Variants in SGK3 observed in about 807,000 individuals in gnomAD.
SGK3 encodes serine/threonine-protein kinase Sgk3.
In SGK3, 47 loss-of-function variants were observed where a neutral mutation model predicts 68.5. That is an observed-to-expected ratio of 0.69 (90% CI 0.54 to 0.87). The LOEUF is 0.87. SGK3 is among the 40% of genes least tolerant of loss of function. SGK3 has a pLI of 0.00. For missense variants in SGK3, 479 were observed against 575.5 expected, an observed-to-expected ratio of 0.83 and a Z score of 1.72; for synonymous variants, 181 against 189.1, an observed-to-expected ratio of 0.96 and a Z score of 0.35.
intron 6 of SGK3, among the ~76,000 whole-genome samples, chr8:66,822,972 A>C (rs1178277572): frequency 6.6e-6 from 1 of 152,182 alleles, no homozygotes; most frequent in Non-Finnish European, 1.5e-5. Flanking sequence ...TTTTTACTAA[A>C]AAGTAATATA....
intron 8 of SGK3, 127 bp downstream of exon 8, chr8:66,831,438 C>G (rs1809299004): frequency 5.3e-6 from 6 of 1,121,760 alleles, no homozygotes; most frequent in Non-Finnish European, 7.8e-6. Context: ...CTCCTGGGCT[C>G]AAGCCATCCT....
intron 16 of SGK3, among the ~76,000 whole-genome samples, chr8:66,856,497 T>C (rs1161623011): frequency 6.6e-6 from 1 of 152,222 alleles, no homozygotes; most frequent in Non-Finnish European, 1.5e-5. Flanking sequence ...GAGCATCCCA[T>C]ATCTGAAAAT....
chr8:66,786,163 T>C (rs1048268982), intron 1 of SGK3, among the ~76,000 whole-genome samples: 1 of 152,110 alleles, frequency 6.6e-6, no homozygotes, highest in African/African-American at 2.4e-5. Flanking sequence ...TGTATAGTAA[T>C]AGCAGGGTTG....
chr8:66,765,926 G>T (rs1219368047), intron 1 of SGK3, among the ~76,000 whole-genome samples: 4 of 151,866 alleles, frequency 2.6e-5, no homozygotes, highest in African/African-American at 9.7e-5. Flanking sequence ...TCAGGAGGCT[G>T]AGGCAGGAGA....
At chr8:66,739,848 A>G (rs747243887) in intron 1 of SGK3, among the ~76,000 whole-genome samples, 1 of 152,202 alleles carries the variant, frequency 6.6e-6, no homozygotes, top group Non-Finnish European at 1.5e-5. Flanking sequence ...GAACTGAGTG[A>G]AGGGGGAAGC....
intron 6 of SGK3, among the ~76,000 whole-genome samples, chr8:66,827,495 A>G (rs1233313895): frequency 1.3e-5 from 2 of 151,802 alleles, no homozygotes; most frequent in Non-Finnish European, 2.9e-5. Context: ...ATAGAACACT[A>G]GTAAAAGTAT....
intron 1 of SGK3, among the ~76,000 whole-genome samples, chr8:66,774,702 G>C (rs1043785782): frequency 1.3e-5 from 2 of 152,022 alleles, no homozygotes; most frequent in African/African-American, 2.4e-5. Flanking sequence ...ATTCTTACTG[G>C]GAGCCGACTC....
At chr8:66,822,217 G>A (rs111276322) in intron 5 of SGK3, among the ~76,000 whole-genome samples, 155 bp from the exon 6 acceptor site, 34 of 151,272 alleles carry the variant, frequency 2.2e-4, no homozygotes, top group Admixed American at 6.6e-4. Flanking sequence ...ATTAATTTGC[G>A]TATTACATTT....
chr8:66,836,009 T>C lies in SGK3; in HGVS notation c.676T>C (p.Leu226=). ...TGTGAAACATCCGTTTTTGGTTGGA[T>C]TGCATTATTCCTTCCAAACAACTGA... The part of the protein sequence containing the change: ...KNVKHPFLVG[L]HYSFQTTEKL... The change falls in exon 10 of 17, where the codon TTG becomes CTG. Residue 226 remains leucine, a synonymous_variant. Coordinates refer to ENST00000521198, the MANE Select transcript of SGK3 (RefSeq NM_001033578.3). 1 of 1,613,830 alleles carries C rather than the reference T, an allele frequency of 6.2e-7. No individual in the cohort carries two copies. Among genetic ancestry groups the C allele is most frequent in the Non-Finnish European group, 8.5e-7 (1 of 1,179,886 alleles).
At chr8:66,823,719 T>C (rs1271500610) in intron 6 of SGK3, among the ~76,000 whole-genome samples, 3 of 151,596 alleles carry the variant, frequency 2.0e-5, no homozygotes, top group African/African-American at 7.3e-5. Flanking sequence ...AAACTAGATG[T>C]GATAGCAATA....
intron 8 of SGK3, among the ~76,000 whole-genome samples, chr8:66,835,476 GA>G (rs2130708266): frequency 6.6e-6 from 1 of 152,258 alleles, no homozygotes; most frequent in African/African-American, 2.4e-5. Context: ...AAGTACAGGA[GA>G]CTTCCAGGAT....
chr8:66,822,564 G>T, intron 6 of SGK3, 105 bp downstream of exon 6: 1 of 1,081,334 alleles, frequency 9.2e-7, no homozygotes, highest in Non-Finnish European at 1.3e-6. Flanking sequence ...ATCCATAGTA[G>T]AGTTTCTACT....
At chr8:66,766,715 T>A (rs940311833) in intron 1 of SGK3, among the ~76,000 whole-genome samples, 2 of 152,226 alleles carry the variant, frequency 1.3e-5, no homozygotes, top group Non-Finnish European at 2.9e-5. Flanking sequence ...TTTGAAGCTC[T>A]GTTATTAGGT....
At chr8:66,734,491 G>A (rs1271076270) in intron 1 of SGK3, among the ~76,000 whole-genome samples, 1 of 151,780 alleles carries the variant, frequency 6.6e-6, no homozygotes, top group Non-Finnish European at 1.5e-5. Flanking sequence ...AGGTTTCCTG[G>A]GAAAAGTAGG....
intron 1 of SGK3, among the ~76,000 whole-genome samples, chr8:66,758,333 A>G (rs1037950128): frequency 1.5e-4 from 23 of 151,998 alleles, no homozygotes; most frequent in Non-Finnish European, 2.9e-4. Flanking sequence ...CAGCCTGGGC[A>G]ACAGAGTGAG....
intron 1 of SGK3, among the ~76,000 whole-genome samples, chr8:66,715,835 C>G (rs1024577210): frequency 2.6e-5 from 4 of 152,048 alleles, no homozygotes; most frequent in African/African-American, 9.7e-5. Context: ...GAAGAGTTAT[C>G]AGGGAGATAT....
chr8:66,772,581 G>C (rs1382241532), intron 1 of SGK3, among the ~76,000 whole-genome samples: 1 of 139,144 alleles, frequency 7.2e-6, no homozygotes, highest in Non-Finnish European at 1.5e-5. Context: ...TTTTTTTTGA[G>C]ACAGAGTCTC....
At chr8:66,857,217 T>C (rs1563663733) in intron 16 of SGK3, among the ~76,000 whole-genome samples, 1 of 152,166 alleles carries the variant, frequency 6.6e-6, no homozygotes, top group Non-Finnish European at 1.5e-5. Context: ...CATATAAAAC[T>C]TCTAGCATTC....
At position 66,859,705 on chromosome 8, in the gene SGK3, C is replaced by A; in HGVS notation, c.*124C>A. The A allele has an allele frequency of 2.6e-6, 3 of 1,145,220 alleles. No individual in the cohort carries two copies. The highest frequency in any genetic ancestry group is 3.4e-6 in the Non-Finnish European group (3 of 876,178). 70.9% of individuals were successfully genotyped at this position (1,145,220 alleles called of 1,614,324 possible). On this transcript the variant is annotated 3_prime_UTR_variant, in exon 17 of 17. Transcript: ENST00000521198. Reference sequence around the variant, plus strand: ...TCATTTTTATATGTAATGATGAAAACTATGAAAAAATGTATTTTCTTCTAT... The same window carrying A: ...TCATTTTTATATGTAATGATGAAAAATATGAAAAAATGTATTTTCTTCTAT...
Sources: gnomAD v4.1 joint callset for allele counts (sites outside exome capture counted in the v4.1 genomes callset) on GRCh38, gnomAD v4.1.1 for gene constraint, MANE v1.5 for transcripts, NCBI Gene and HGNC (gene_info 2026-07-23, HGNC 2026-07-21) for gene names.